LRP5: variants seen among roughly 807,000 people sequenced by gnomAD.
The protein encoded by LRP5 is LDL receptor related protein 5.
A neutral mutation model predicts 154.1 loss-of-function variants in LRP5; 62 were observed. The observed-to-expected ratio is 0.40, with a 90% confidence interval of 0.33 to 0.50. The LOEUF is 0.50. Ranked by LOEUF, LRP5 falls within the 20% of genes least tolerant of loss-of-function variation. The probability of loss-of-function intolerance (pLI) is 0.55; values close to 1 mark genes in which losing one functional copy is unlikely to be tolerated. For synonymous variants in LRP5, 966 were observed against 1,011.5 expected (o/e 0.96, Z 0.85); for missense variants, 1,915 against 2,336.7 (o/e 0.82, Z 3.72).
chr11:68,335,543 G>T lies in LRP5; in HGVS notation c.92-12304G>T, dbSNP rs118111288. 6.2e-4 allele frequency among the ~76,000 whole-genome samples: 95 copies of T among 152,206 alleles called. 1 individual carries two copies. The East Asian group carries it at 0.013, about 20-fold the overall frequency. On this transcript the variant is annotated intron_variant, in intron 1 of 22. Coordinates refer to ENST00000294304, the MANE Select transcript of LRP5 (RefSeq NM_002335.4). The stretch of plus-strand genomic sequence containing the variant: ...CACCACTGGACTCTAAAGCCTGGGT[G>T]ACAGAGTGAGACCCTGTCTCTAAAA...
chr11:68,346,289 C>T (rs568244929), intron 1 of LRP5, among the ~76,000 whole-genome samples: 4 of 152,338 alleles, frequency 2.6e-5, no homozygotes, highest in East Asian at 1.9e-4. Flanking sequence ...ACGGGTGGGG[C>T]GGCGGAGGCG....
chr11:68,425,888 C>A (rs2153174320), intron 15 of LRP5, 90 bp from the exon 16 acceptor site: 1 of 1,140,844 alleles, frequency 8.8e-7, no homozygotes, highest in South Asian at 1.2e-5. Context: ...GGCTCCCTGG[C>A]AGTCCTGTCA....
chr11:68,404,897 G>A (rs1335577308), intron 8 of LRP5, among the ~76,000 whole-genome samples: 4 of 150,610 alleles, frequency 2.7e-5, no homozygotes, highest in Admixed American at 2.7e-4. Context: ...GTGAACCCGG[G>A]AAGCGGAGCT....
Position 68,312,649 on chromosome 11 carries a change from A to AGCCGCCGCC in LRP5, c.-60_-52dup. 1.4e-6 allele frequency: 1 copy of AGCCGCCGCC among 739,416 alleles called. No individual in the cohort carries two copies. The highest frequency in any genetic ancestry group is 5.8e-5 in the South Asian group (1 of 17,310). The allele number at this position is 739,416 out of a possible 1,614,324, so 45.8% of individuals were successfully genotyped here. ...CGGAGGCGCCGGGAGCCGCGCGAGGAGCCGCCGCCGCCGCGCCATGGAGCC... is the reference window on the plus strand; with the variant it reads ...CGGAGGCGCCGGGAGCCGCGCGAGGAGCCGCCGCCGCCGCCGCCGCCGCGCCATGGAGCC... On this transcript the variant is annotated 5_prime_UTR_variant, in exon 1 of 23. Coordinates refer to ENST00000294304, the MANE Select transcript of LRP5 (RefSeq NM_002335.4).
chr11:68,429,641 C>T lies in LRP5; in HGVS notation c.3704C>T (p.Thr1235Ile). 1.2e-6 allele frequency: 2 copies of T among 1,614,140 alleles called. No individual in the cohort carries two copies. Among genetic ancestry groups the T allele is most frequent in the Non-Finnish European group, 1.7e-6 (2 of 1,180,028 alleles). ...ATCTGTATTGCCAAGGGTGATGGGA[C>T]ACCACGGTGCTCATGCCCAGTCCAC... ...SHICIAKGDGTPRCSCPVHLV... is the reference protein window; with the variant it reads ...SHICIAKGDGIPRCSCPVHLV... The change falls in exon 17 of 23, where the codon ACA becomes ATA. Residue 1235 changes from threonine (T) to isoleucine (I), a missense_variant. Physicochemically the swap from Thr to Ile is moderately conservative, Grantham distance 89. This residue lies in a region of LRP5 where 1,094 missense variants were observed against 1,210.1 expected (regional missense o/e 0.90). Transcript: ENST00000294304.
the LRP5 span, among the ~76,000 whole-genome samples, chr11:68,300,534 A>G: frequency 6.7e-6 from 1 of 149,524 alleles, no homozygotes; most frequent in African/African-American, 2.4e-5. Context: ...AGGGGGCCCC[A>G]CTTCTGCCCC....
chr11:68,317,253 G>C (rs867841313), intron 1 of LRP5, among the ~76,000 whole-genome samples: 1 of 152,230 alleles, frequency 6.6e-6, no homozygotes, highest in South Asian at 2.1e-4. Context: ...AAATCGGGAC[G>C]ATGGTGTCCA....
the LRP5 span, among the ~76,000 whole-genome samples, chr11:68,303,380 T>G: frequency 1.3e-5 from 2 of 152,226 alleles, no homozygotes; most frequent in Non-Finnish European, 2.9e-5. Context: ...GTCACTTTCG[T>G]TATGCCTTAG....
At chr11:68,352,333 C>G (rs543430918) in intron 2 of LRP5, among the ~76,000 whole-genome samples, 1 of 152,338 alleles carries the variant, frequency 6.6e-6, no homozygotes, top group East Asian at 1.9e-4. Context: ...GTATCCTTGT[C>G]TGTACAGAGG....
At chr11:68,409,887 G>A (rs769997769) in intron 9 of LRP5, 27 bp from the exon 10 acceptor site, 3 of 1,534,602 alleles carry the variant, frequency 2.0e-6, no homozygotes, top group South Asian at 2.2e-5. Flanking sequence ...CTAAAATGTG[G>A]CCCTTTTCCT....
intron 1 of LRP5, among the ~76,000 whole-genome samples, chr11:68,315,443 C>T (rs1284993009): frequency 6.6e-6 from 1 of 152,234 alleles, no homozygotes; most frequent in African/African-American, 2.4e-5. Flanking sequence ...GGACAGAGCC[C>T]CTGCGCCCAG....
chr11:68,307,985 C>G (rs2098584927), upstream of LRP5, among the ~76,000 whole-genome samples: 1 of 152,192 alleles, frequency 6.6e-6, no homozygotes, highest in Admixed American at 6.5e-5. Flanking sequence ...TCCTTCACAC[C>G]CCAGCTGGCT....
At chr11:68,306,712 C>T in the LRP5 span, among the ~76,000 whole-genome samples, 2 of 152,228 alleles carry the variant, frequency 1.3e-5, no homozygotes, top group Non-Finnish European at 2.9e-5. Flanking sequence ...TAAGACTGCT[C>T]TGTGGACCAG....
At chr11:68,336,168 G>C (rs543206204) in intron 1 of LRP5, among the ~76,000 whole-genome samples, 1 of 152,304 alleles carries the variant, frequency 6.6e-6, no homozygotes, top group South Asian at 2.1e-4. Flanking sequence ...GCTGGTTCTA[G>C]GGCTGGGGCA....
intron 21 of LRP5, among the ~76,000 whole-genome samples, chr11:68,443,166 T>C (rs1035706441): frequency 6.6e-6 from 1 of 152,080 alleles, no homozygotes; most frequent in East Asian, 1.9e-4. Flanking sequence ...TCTTCATTTA[T>C]ATTTATTTTA....
chr11:68,403,462 T>C lies in LRP5; in HGVS notation c.1585-21T>C, dbSNP rs1163946223. 4 of 1,610,452 alleles carry C rather than the reference T, an allele frequency of 2.5e-6. No homozygotes were observed. In the African/African-American group the frequency reaches 5.3e-5, roughly 22 times the overall value. ...GGTGTGGCCCTGGCCCATCCAGACC[T>C]ATATTTCTGCCGTCCTGCAGGTGAT... On this transcript the variant is annotated intron_variant, in intron 7 of 22. Coordinates refer to ENST00000294304, the MANE Select transcript of LRP5 (RefSeq NM_002335.4).
At chr11:68,396,665 T>C (rs1048211254) in intron 7 of LRP5, among the ~76,000 whole-genome samples, 1 of 152,148 alleles carries the variant, frequency 6.6e-6, no homozygotes, top group Non-Finnish European at 1.5e-5. Context: ...CTGCTGGCCT[T>C]GACTGTGACA....
chr11:68,411,402 C>T, intron 10 of LRP5, 34 bp from the exon 11 acceptor site: 1 of 1,604,840 alleles, frequency 6.2e-7, no homozygotes, highest in Non-Finnish European at 8.5e-7. Context: ...AGAGCAGACT[C>T]ACTGAGCCTG....
chr11:68,307,438 G>A, the LRP5 span, among the ~76,000 whole-genome samples: 2 of 152,198 alleles, frequency 1.3e-5, no homozygotes, highest in African/African-American at 2.4e-5. Flanking sequence ...GCTGAGGAAG[G>A]TAGATTGCTT....
Sources: allele counts gnomAD v4.1 joint callset (sites outside exome capture counted in the v4.1 genomes callset), GRCh38; gene constraint gnomAD v4.1.1; regional missense constraint gnomAD v4.1.1; transcripts MANE v1.5; gene names NCBI Gene and HGNC (gene_info 2026-07-23, HGNC 2026-07-21).